The following DAAM2 variants were observed in gnomAD, a reference collection of about 807,000 sequenced individuals.
DAAM2 encodes the protein disheveled-associated activator of morphogenesis 2.
DAAM2 carries 39 observed loss-of-function variants against 120.7 expected under a neutral mutation model. The ratio of observed to expected loss-of-function variants is 0.32; its 90% CI spans 0.25 to 0.42. The LOEUF is 0.42. Ranked by LOEUF, DAAM2 falls within the 10% of genes least tolerant of loss-of-function variation. The probability of loss-of-function intolerance (pLI) is 1.00; values close to 1 mark genes in which losing one functional copy is unlikely to be tolerated. For missense variants in DAAM2, 1,283 were observed against 1,401.7 expected (o/e 0.92, Z 1.35); for synonymous variants, 488 against 524.9 (o/e 0.93, Z 0.96).
At chr6:39,814,494 C>T (rs1355280001) in intron 1 of DAAM2, among the ~76,000 whole-genome samples, 1 of 152,214 alleles carries the variant, frequency 6.6e-6, no homozygotes, top group Non-Finnish European at 1.5e-5. Context: ...ACTTCACATA[C>T]AACTGATTTT....
rs1430820441 is a variant in DAAM2 at position 39,828,570 on chromosome 6, C to CTTTTTTTTTTTTTTTTTTTT, written c.-56-27666_-56-27665insTTTTTTTTTTTTTTTTTTTT. Among the ~76,000 whole-genome samples the CTTTTTTTTTTTTTTTTTTTT allele has an allele frequency of 2.1e-5, 3 of 142,554 alleles. 1 individual carries two copies. Among genetic ancestry groups the CTTTTTTTTTTTTTTTTTTTT allele is most frequent in the South Asian group, 4.5e-4 (2 of 4,434 alleles). 93.5% of individuals were successfully genotyped at this position (142,554 alleles called of 152,430 possible). A position where few individuals can be genotyped will look rare whatever the true frequency, so the allele number is the denominator to read the frequency against. ...GCTAATTCCCTCCACCCCCCTCCGT[C>CTTTTTTTTTTTTTTTTTTTT]TTTTTTTTTTTGAGACGGATTCTTG... On this transcript the variant is annotated intron_variant, in intron 1 of 24. Transcript: ENST00000274867.
intron 1 of DAAM2, among the ~76,000 whole-genome samples, chr6:39,810,941 C>T (rs755457684): frequency 5.9e-5 from 9 of 152,216 alleles, no homozygotes; most frequent in African/African-American, 1.9e-4. Context: ...AAACCCTTCC[C>T]CTCAGCCCAG....
At position 39,884,018 on chromosome 6, in the gene DAAM2, C is replaced by A; in HGVS notation, c.1902C>A (p.Ile634=). Residue 634 remains isoleucine (I), a synonymous_variant, in exon 15 of 25, where the codon ATC becomes ATA. Transcript: ENST00000274867. The part of the protein sequence containing the change: ...NEIDDMQVFR[I]LDLEDFEKMF... ...TTGATGACATGCAGGTATTTCGGAT[C>A]CTGGACCTAGAGGATTTTGAAAAGA... 1 of 1,613,464 alleles carries A rather than the reference C, an allele frequency of 6.2e-7. No individual in the cohort carries two copies. Among genetic ancestry groups the A allele is most frequent in the African/African-American group, 1.3e-5 (1 of 75,028 alleles).
rs1332485732 is a variant in DAAM2 at position 39,878,952 on chromosome 6, C to T, written c.1546-226C>T. ...GGCTATGACTCTGATTGTCCAGTGT[C>T]CGTGTGCGTGACGTGTGTGTGTCTG... On this transcript the variant is annotated intron_variant, in intron 13 of 24. Transcript: ENST00000274867. The surrounding 1 kb of genome is among the most constrained non-coding windows in gnomAD (Gnocchi z 5.0). 6.6e-6 allele frequency among the ~76,000 whole-genome samples: 1 copy of T among 151,910 alleles called. No homozygotes were observed. Among genetic ancestry groups the T allele is most frequent in the East Asian group, 1.9e-4 (1 of 5,182 alleles).
At chr6:39,824,289 C>G (rs1460702522) in intron 1 of DAAM2, among the ~76,000 whole-genome samples, 1 of 152,156 alleles carries the variant, frequency 6.6e-6, no homozygotes, top group Non-Finnish European at 1.5e-5. Flanking sequence ...CCCCCTAGAG[C>G]CCGTGCCCCA....
intron 3 of DAAM2, among the ~76,000 whole-genome samples, chr6:39,863,653 C>A (rs1764305701): frequency 6.6e-6 from 1 of 152,134 alleles, no homozygotes; most frequent in South Asian, 2.1e-4. Context: ...GAAGCAGATC[C>A]ATTTGGCTGG....
chr6:39,833,343 C>T (rs891653155), intron 1 of DAAM2, among the ~76,000 whole-genome samples: 27 of 151,938 alleles, frequency 1.8e-4, no homozygotes, highest in African/African-American at 5.8e-4. Context: ...CTCGCTCTGT[C>T]GCCCAGGCTG....
chr6:39,860,648 G>A (rs1764172665), intron 2 of DAAM2, among the ~76,000 whole-genome samples: 1 of 152,192 alleles, frequency 6.6e-6, no homozygotes, highest in Admixed American at 6.5e-5. Context: ...GGAACAGGGT[G>A]ACCTGAAGCA....
intron 19 of DAAM2, 46 bp downstream of exon 19, chr6:39,891,768 G>C (rs951956721): frequency 2.0e-6 from 3 of 1,492,594 alleles, no homozygotes; most frequent in South Asian, 2.4e-5. Flanking sequence ...AGTTATCTGA[G>C]AAAGGCAGGG....
chr6:39,813,995 G>T (rs1354532243), intron 1 of DAAM2, among the ~76,000 whole-genome samples: 1 of 152,112 alleles, frequency 6.6e-6, no homozygotes, highest in Non-Finnish European at 1.5e-5. Flanking sequence ...GGGGAAAGGG[G>T]CCCTAAAAGA....
chr6:39,901,197 A>C lies in DAAM2; in HGVS notation c.2812-105A>C, dbSNP rs958687594. 1.6e-5 allele frequency: 16 copies of C among 1,031,144 alleles called. No homozygotes were observed. Among genetic ancestry groups the C allele is most frequent in the Non-Finnish European group, 2.2e-5 (15 of 691,922 alleles). 63.9% of individuals were successfully genotyped at this position (1,031,144 alleles called of 1,614,324 possible). On this transcript the variant is annotated intron_variant, in intron 23 of 24. Coordinates refer to ENST00000274867, the MANE Select transcript of DAAM2 (RefSeq NM_001201427.2). This position sits in a 1 kb window ranked among gnomAD's most constrained non-coding sequence, Gnocchi z 4.5. ...CCTGCCCCCTGTGCCAACAGTCCCCAGCCTTGCGCTGGGCTCTGCTCTGGC... is the reference window on the plus strand; with the variant it reads ...CCTGCCCCCTGTGCCAACAGTCCCCCGCCTTGCGCTGGGCTCTGCTCTGGC...
intron 3 of DAAM2, 45 bp downstream of exon 3, chr6:39,861,062 T>TA: frequency 6.7e-7 from 1 of 1,497,774 alleles, no homozygotes; most frequent in Non-Finnish European, 9.2e-7. Context: ...GTTCATGGCA[T>TA]GGGGTGGCTC....
rs1390440173 is a variant in DAAM2, at chr6:39,867,652, C to A, written c.571C>A (p.Arg191=). The A allele has an allele frequency of 2.5e-6, 4 of 1,614,040 alleles. No homozygotes were observed. The highest frequency in any genetic ancestry group is 3.3e-4 in the Middle Eastern group (2 of 6,062). The change falls in exon 6 of 25, where the codon CGG becomes AGG. Residue 191 remains arginine, a synonymous_variant. Transcript: ENST00000274867. ...AGCATTGATGAACAACTCCCAGGGG[C>A]GGGCACATGTGCTGGCACAGCCTGA... The part of the protein sequence containing the change: ...IKALMNNSQG[R]AHVLAQPEAI...
Position 39,870,336 on chromosome 6 carries a change from C to T in DAAM2, c.874-4C>T. ...GAGTCTGGCCCTCCCTTGGTGACCC[C>T]CAGGATAATCTGGAGTTCCGCCTAC... On this transcript the variant is annotated splice_region_variant and splice_polypyrimidine_tract_variant and intron_variant, in intron 7 of 24. Transcript: ENST00000274867. The T allele has an allele frequency of 6.4e-7, 1 of 1,556,752 alleles. No individual in the cohort carries two copies. Among genetic ancestry groups the T allele is most frequent in the Non-Finnish European group, 8.7e-7 (1 of 1,146,346 alleles).
At chr6:39,795,602 T>C (rs1009199066) in intron 1 of DAAM2, among the ~76,000 whole-genome samples, 1 of 152,186 alleles carries the variant, frequency 6.6e-6, no homozygotes, top group Non-Finnish European at 1.5e-5. Flanking sequence ...AAGGGAGTGC[T>C]GTATTTTTAT....
chr6:39,833,761 G>A (rs1763003739), intron 1 of DAAM2, among the ~76,000 whole-genome samples: 1 of 151,952 alleles, frequency 6.6e-6, no homozygotes, highest in African/African-American at 2.4e-5. Flanking sequence ...TATTAGAAGT[G>A]TACAAGAAAA....
At position 39,867,837 on chromosome 6, in the gene DAAM2, C is replaced by T. The variant is rs1764494728; in HGVS notation, c.756C>T (p.Arg252=). ...AGGTGTATGCAGCAGAGCGAACCCG[C>T]TTCCAGGTGAGGGGCCAGGCTGGAG... ...HYQVYAAERT[R]FQTLLNELDR... The change falls in exon 6 of 25, where the codon CGC becomes CGT. Residue 252 remains arginine, a synonymous_variant. Coordinates refer to ENST00000274867, the MANE Select transcript of DAAM2 (RefSeq NM_001201427.2). 1.9e-6 allele frequency: 3 copies of T among 1,580,690 alleles called. No homozygotes were observed. In the East Asian group the frequency reaches 6.9e-5, roughly 37 times the overall value.
At chr6:39,830,832 A>G (rs990344642) in intron 1 of DAAM2, among the ~76,000 whole-genome samples, 2 of 152,196 alleles carry the variant, frequency 1.3e-5, no homozygotes, top group African/African-American at 4.8e-5. Context: ...GATAGCTGCC[A>G]GTGGCCCTGC....
chr6:39,891,287 C>T, intron 17 of DAAM2, 54 bp from the exon 18 acceptor site: 4 of 1,389,654 alleles, frequency 2.9e-6, no homozygotes, highest in Non-Finnish European at 3.0e-6. Flanking sequence ...ACACCCTGTA[C>T]CCCATGTCTG....
Sources: allele counts gnomAD v4.1 joint callset (sites outside exome capture counted in the v4.1 genomes callset), GRCh38; gene constraint gnomAD v4.1.1; non-coding constraint Gnocchi (gnomAD v3.1); transcripts MANE v1.5; gene names NCBI Gene and HGNC (gene_info 2026-07-23, HGNC 2026-07-21).